AFG2A: variants seen among roughly 807,000 people sequenced by gnomAD.
AFG2A encodes AAA ATPase AFG2A, also known as ATPase family gene 2 protein homolog A.
chr4:123,244,433 C>T, the AFG2A span, among the ~76,000 whole-genome samples: 1 of 152,190 alleles, frequency 6.6e-6, no homozygotes, highest in Admixed American at 6.5e-5. Flanking sequence ...TCTGCAAGTG[C>T]AGGCAGGCAG....
chr4:122,960,864 T>G, the AFG2A span, among the ~76,000 whole-genome samples: 1 of 152,216 alleles, frequency 6.6e-6, no homozygotes, highest in African/African-American at 2.4e-5. Context: ...GTCCAACTCT[T>G]ATGAAAGGTT....
At chr4:122,925,087 T>C in the AFG2A span, among the ~76,000 whole-genome samples, 2 of 152,196 alleles carry the variant, frequency 1.3e-5, no homozygotes, top group Admixed American at 1.3e-4. Context: ...ACTTCAACTC[T>C]GTTCAGTTTT....
At chr4:123,029,229 C>CCTCCCGAA in the AFG2A span, among the ~76,000 whole-genome samples, 1 of 152,174 alleles carries the variant, frequency 6.6e-6, no homozygotes, top group African/African-American at 2.4e-5. Context: ...TCCCGAATAG[C>CCTCCCGAA]TGGGACTACA....
chr4:123,229,741 A>C, the AFG2A span, among the ~76,000 whole-genome samples: 9 of 152,088 alleles, frequency 5.9e-5, no homozygotes, highest in Admixed American at 5.9e-4. Flanking sequence ...ATTATTAGAT[A>C]TCTTTATTTG....
the AFG2A span, among the ~76,000 whole-genome samples, chr4:123,226,091 T>G: frequency 1.3e-5 from 2 of 152,342 alleles, no homozygotes; most frequent in East Asian, 3.9e-4. Flanking sequence ...AAGTTGCTTA[T>G]CAGCTTAAGG....
chr4:123,074,972 C>G, the AFG2A span, among the ~76,000 whole-genome samples: 1 of 152,090 alleles, frequency 6.6e-6, no homozygotes, highest in Admixed American at 6.6e-5. Context: ...GGAACGGAGT[C>G]TTGCTTTGTC....
the AFG2A span, among the ~76,000 whole-genome samples, chr4:123,024,363 C>T: frequency 1.3e-5 from 2 of 152,052 alleles, no homozygotes; most frequent in Non-Finnish European, 2.9e-5. Flanking sequence ...GCCAGGAATC[C>T]CAAGTCACCT....
chr4:123,100,453 A>G, the AFG2A span, among the ~76,000 whole-genome samples: 2 of 151,746 alleles, frequency 1.3e-5, no homozygotes, highest in Non-Finnish European at 2.9e-5. Context: ...GACATTTTGG[A>G]TTATTTCATA....
the AFG2A span, among the ~76,000 whole-genome samples, chr4:123,122,628 T>G: frequency 0.1 from 15,480 of 152,206 alleles, 902 homozygotes; most frequent in Middle Eastern, 0.2. Context: ...TCTAATGCAG[T>G]GGTAATTAAT....
chr4:122,934,553 A>AT, the AFG2A span: 1 of 1,613,816 alleles, frequency 6.2e-7, no homozygotes, highest in Non-Finnish European at 8.5e-7. Context: ...TGCAATACTG[A>AT]TACTTTTTAT....
At chr4:123,153,254 A>G in the AFG2A span, among the ~76,000 whole-genome samples, 1 of 152,216 alleles carries the variant, frequency 6.6e-6, no homozygotes, top group Admixed American at 6.5e-5. Context: ...TTCTCACAGC[A>G]TGGCAGCCGA....
At chr4:123,193,249 A>G in the AFG2A span, among the ~76,000 whole-genome samples, 2 of 152,208 alleles carry the variant, frequency 1.3e-5, no homozygotes, top group African/African-American at 4.8e-5. Context: ...GCACGTACAC[A>G]TTAGCATCCA....
At chr4:122,993,863 G>T in the AFG2A span, among the ~76,000 whole-genome samples, 15 of 151,958 alleles carry the variant, frequency 9.9e-5, no homozygotes, top group Admixed American at 6.5e-4. Context: ...CTATAAAAGT[G>T]TTAAATTTTT....
chr4:122,936,029 A>G, the AFG2A span: 1 of 1,396,132 alleles, frequency 7.2e-7, no homozygotes. Context: ...TTGAAAATTT[A>G]GGTTAGCTTT....
the AFG2A span, among the ~76,000 whole-genome samples, chr4:123,163,366 C>T: frequency 6.6e-6 from 1 of 152,048 alleles, no homozygotes; most frequent in Non-Finnish European, 1.5e-5. Flanking sequence ...AACCGGGACC[C>T]AGGAGGCAGA....
chr4:123,256,142 G>A, the AFG2A span: 1 of 1,614,086 alleles, frequency 6.2e-7, no homozygotes, highest in East Asian at 2.2e-5. Context: ...TGACCTGGAT[G>A]AACTCATCCT....
chr4:123,259,048 T>G, the AFG2A span, among the ~76,000 whole-genome samples: 1 of 151,564 alleles, frequency 6.6e-6, no homozygotes, highest in Non-Finnish European at 1.5e-5. Context: ...TGTATTTTTA[T>G]TAGAGACAGG....
chr4:122,981,813 T>TA, the AFG2A span, among the ~76,000 whole-genome samples: 3 of 152,052 alleles, frequency 2.0e-5, no homozygotes, highest in Admixed American at 6.6e-5. Context: ...GGATAGTTGT[T>TA]AGAGTATAGA....
the AFG2A span, among the ~76,000 whole-genome samples, chr4:123,053,922 C>T: frequency 9.2e-5 from 14 of 152,220 alleles, no homozygotes; most frequent in Non-Finnish European, 2.1e-4. Flanking sequence ...ATCAGAGTCC[C>T]AGGCCATGAG....
Sources: gnomAD v4.1 joint callset for allele counts (sites outside exome capture counted in the v4.1 genomes callset) on GRCh38, gnomAD v4.1.1 for gene constraint, MANE v1.5 for transcripts, NCBI Gene and HGNC (gene_info 2026-07-23, HGNC 2026-07-21) for gene names.